AGAP1: variants seen among roughly 807,000 people sequenced by gnomAD.
The protein encoded by AGAP1 is ArfGAP with GTPase domain, ankyrin repeat and PH domain 1, also known as arf-GAP with GTPase, ANK repeat and PH domain-containing protein 1.
AGAP1 carries 29 observed loss-of-function variants against 105.3 expected under a neutral mutation model. The observed-to-expected ratio is 0.28, with a 90% confidence interval of 0.21 to 0.38. The LOEUF (loss-of-function observed/expected upper bound fraction) is 0.38, where lower values mean the gene tolerates loss of function less well. Among genes scored for constraint, AGAP1 ranks in the 10% least tolerant of loss-of-function variants. The probability of loss-of-function intolerance (pLI) is 1.00; values close to 1 mark genes in which losing one functional copy is unlikely to be tolerated. For synonymous variants in AGAP1, 509 were observed against 485.9 expected (o/e 1.05, Z -0.63); for missense variants, 998 against 1,165.1 (o/e 0.86, Z 2.09).
intron 1 of AGAP1, among the ~76,000 whole-genome samples, chr2:235,505,092 T>G (rs1261628674): frequency 6.6e-6 from 1 of 152,226 alleles, no homozygotes; most frequent in African/African-American, 2.4e-5. Context: ...TGCTGGGTTT[T>G]AGATAACCCA....
At chr2:236,063,343 G>A (rs764894032) in intron 16 of AGAP1, among the ~76,000 whole-genome samples, 2 of 152,068 alleles carry the variant, frequency 1.3e-5, no homozygotes, top group African/African-American at 4.8e-5. Flanking sequence ...CACTGGCCTC[G>A]ACCTCCCAAA....
rs1364664540 is a variant in AGAP1, at chr2:235,652,525, C to T, written c.164-56654C>T. On this transcript the variant is annotated intron_variant, in intron 1 of 17. Coordinates refer to ENST00000304032, the MANE Select transcript of AGAP1 (RefSeq NM_001037131.3). ...TGGAGAGCCCATGTGATTCAGGAGACACCACATCATCATTTCAGAGCCATC... is the reference window on the plus strand; with the variant it reads ...TGGAGAGCCCATGTGATTCAGGAGATACCACATCATCATTTCAGAGCCATC... Among the ~76,000 whole-genome samples the T allele has an allele frequency of 3.9e-5, 6 of 152,124 alleles. No homozygotes were observed. The East Asian group carries it at 9.6e-4, about 24-fold the overall frequency.
chr2:235,656,256 G>T (rs1947767335), intron 1 of AGAP1, among the ~76,000 whole-genome samples: 1 of 152,168 alleles, frequency 6.6e-6, no homozygotes, highest in African/African-American at 2.4e-5. Context: ...GGCAGGCATT[G>T]TTTGCTTGTT....
intron 10 of AGAP1, among the ~76,000 whole-genome samples, chr2:235,885,901 C>T (rs1306125533): frequency 6.6e-6 from 1 of 152,218 alleles, no homozygotes; most frequent in African/African-American, 2.4e-5. Context: ...TTCCTTTGTG[C>T]TCAGTGTCCT....
intron 1 of AGAP1, among the ~76,000 whole-genome samples, chr2:235,538,425 C>CTGTGTGTGTGTGTG (rs1413280144): frequency 0.045 from 1,292 of 28,580 alleles, 9 homozygotes; most frequent in Non-Finnish European, 0.065. Context: ...ACCTCAGCCA[C>CTGTGTGTGTGTGTG]TATGTGTGTG....
Position 235,623,942 on chromosome 2 carries a change from G to A in AGAP1, c.164-85237G>A, listed in dbSNP as rs755632558. Among the ~76,000 whole-genome samples the A allele has an allele frequency of 6.6e-6, 1 of 152,098 alleles. No homozygotes were observed. The highest frequency in any genetic ancestry group is 1.5e-5 in the Non-Finnish European group (1 of 68,026). ...TCCTGGAGAAGTTGGATCCATTTGTGTTTCTGAGTGTGCTTGTAAGCAGTC... is the reference window on the plus strand; with the variant it reads ...TCCTGGAGAAGTTGGATCCATTTGTATTTCTGAGTGTGCTTGTAAGCAGTC... On this transcript the variant is annotated intron_variant, in intron 1 of 17. Coordinates refer to ENST00000304032, the MANE Select transcript of AGAP1 (RefSeq NM_001037131.3). This position sits in a 1 kb window ranked among gnomAD's most constrained non-coding sequence, Gnocchi z 4.5.
rs368769250 is a variant in AGAP1 at position 236,120,836 on chromosome 2, A to G, written c.2370+389A>G. Among the ~76,000 whole-genome samples the G allele has an allele frequency of 1.3e-5, 2 of 152,170 alleles. No individual in the cohort carries two copies. The highest frequency in any genetic ancestry group is 2.9e-5 in the Non-Finnish European group (2 of 68,036). On this transcript the variant is annotated intron_variant, in intron 17 of 17. Transcript: ENST00000304032. The surrounding 1 kb of genome is among the most constrained non-coding windows in gnomAD (Gnocchi z 6.0). ...CAGAAATACTGGACCCTAAACTTTG[A>G]GGTCTGATGTGGCAGGAGTTTGTCA...
rs538744091 is a variant in AGAP1, at chr2:235,764,347, C to T, written c.673+13859C>T. On this transcript the variant is annotated intron_variant, in intron 6 of 17. Transcript: ENST00000304032. ...TTCAGGGAAGAGCTGTGGCCCACCA[C>T]GGTCGCTTCAGCCCCTCCCCGTTGC... Among the ~76,000 whole-genome samples, 65 of 152,270 alleles carry T rather than the reference C, an allele frequency of 4.3e-4. 2 individuals are homozygous for T. Among genetic ancestry groups the T allele is most frequent in the Middle Eastern group, 6.8e-3 (2 of 294 alleles).
At chr2:235,948,260 G>A (rs2053583113) in intron 12 of AGAP1, among the ~76,000 whole-genome samples, 1 of 152,138 alleles carries the variant, frequency 6.6e-6, no homozygotes, top group South Asian at 2.1e-4. Flanking sequence ...TCAGCTCACT[G>A]CAGACTCTGC....
At chr2:235,634,995 G>A (rs967039612) in intron 1 of AGAP1, among the ~76,000 whole-genome samples, 3 of 151,602 alleles carry the variant, frequency 2.0e-5, no homozygotes, top group South Asian at 2.1e-4. Context: ...GTGGCCAACC[G>A]TGTGTCCTCA....
In AGAP1 at chr2:235,808,510, C is replaced by T. The variant is rs373541831; in HGVS notation, c.1050+1179C>T. Among the ~76,000 whole-genome samples the T allele has an allele frequency of 3.9e-5, 6 of 152,280 alleles. No individual in the cohort carries two copies. The East Asian group carries it at 5.8e-4, about 15-fold the overall frequency. On this transcript the variant is annotated intron_variant, in intron 9 of 17. Transcript: ENST00000304032. Reference sequence around the variant, plus strand: ...GGGAGAGGAAGGGGTTAAATAGGGCCACAGCATCTTGGGTGAGACCAGAGG... The same window carrying T: ...GGGAGAGGAAGGGGTTAAATAGGGCTACAGCATCTTGGGTGAGACCAGAGG...
intron 16 of AGAP1, among the ~76,000 whole-genome samples, chr2:236,066,477 C>G (rs1418989660): frequency 7.2e-5 from 11 of 152,132 alleles, no homozygotes; most frequent in Non-Finnish European, 1.3e-4. Context: ...CCACCCGCGT[C>G]GGCCTCCCAA....
Position 235,882,230 on chromosome 2 carries a change from G to A in AGAP1, c.1051-1115G>A. The A allele has an allele frequency of 2.3e-6, 1 of 436,086 alleles. No individual in the cohort carries two copies. The highest frequency in any genetic ancestry group is 4.3e-6 in the Non-Finnish European group (1 of 234,236). The allele number at this position is 436,086 out of a possible 1,614,324, so 27.0% of individuals were successfully genotyped here. A position where few individuals can be genotyped will look rare whatever the true frequency, so the allele number is the denominator to read the frequency against. On this transcript the variant is annotated intron_variant, in intron 9 of 17. Transcript: ENST00000304032. The surrounding 1 kb of genome is among the most constrained non-coding windows in gnomAD (Gnocchi z 4.6). ...GGGGTGGTCCTTCAGAGACCCACAGGCCAGTGGCATCGGTGCAGAGTGCCC... is the reference window on the plus strand; with the variant it reads ...GGGGTGGTCCTTCAGAGACCCACAGACCAGTGGCATCGGTGCAGAGTGCCC...
intron 9 of AGAP1, among the ~76,000 whole-genome samples, chr2:235,853,457 G>A (rs898840369): frequency 5.3e-5 from 8 of 152,148 alleles, no homozygotes; most frequent in Non-Finnish European, 4.4e-5. Context: ...CTAGGGATGC[G>A]GCAGATAGGA....
At chr2:235,521,737 TATATATGTGTG>T (rs1559220671) in intron 1 of AGAP1, among the ~76,000 whole-genome samples, 18 of 129,968 alleles carry the variant, frequency 1.4e-4, no homozygotes, top group South Asian at 1.3e-3. Context: ...TTGTTTGTTA[TATATATGTGTG>T]TGTGTGTGTG....
At chr2:236,029,679 CTTCTTT>C (rs1193241899) in intron 13 of AGAP1, among the ~76,000 whole-genome samples, 2 of 151,942 alleles carry the variant, frequency 1.3e-5, no homozygotes, top group East Asian at 1.9e-4. Flanking sequence ...TTGTTCTTTC[CTTCTTT>C]TTCTTTTTCT....
chr2:235,939,005 G>T (rs1212003728), intron 12 of AGAP1, among the ~76,000 whole-genome samples: 1 of 152,196 alleles, frequency 6.6e-6, no homozygotes. Context: ...GCGCAGCCAG[G>T]GTTGAGAAGC....
At chr2:235,554,685 C>T (rs1943918206) in intron 1 of AGAP1, among the ~76,000 whole-genome samples, 1 of 152,118 alleles carries the variant, frequency 6.6e-6, no homozygotes, top group South Asian at 2.1e-4. Flanking sequence ...TTCTTTCTTT[C>T]TTTCTTTTTT....
At chr2:235,514,311 G>A (rs1362400699) in intron 1 of AGAP1, among the ~76,000 whole-genome samples, 1 of 152,238 alleles carries the variant, frequency 6.6e-6, no homozygotes, top group Admixed American at 6.5e-5. Context: ...GCTCACTAGG[G>A]CTTTTAGAAT....
Sources: gnomAD v4.1 joint callset for allele counts (sites outside exome capture counted in the v4.1 genomes callset) on GRCh38, gnomAD v4.1.1 for gene constraint, Gnocchi (gnomAD v3.1) non-coding constraint, MANE v1.5 for transcripts, NCBI Gene and HGNC (gene_info 2026-07-23, HGNC 2026-07-21) for gene names.